The following PRKCA variants were observed in gnomAD, a reference collection of about 807,000 sequenced individuals.
The protein encoded by PRKCA is protein kinase C alpha, also known as protein kinase C alpha type.
A neutral mutation model predicts 87.0 loss-of-function variants in PRKCA; 27 were observed. That is an observed-to-expected ratio of 0.31 (90% confidence interval 0.23 to 0.43). The LOEUF is 0.43. Among genes scored for constraint, PRKCA ranks in the 20% least tolerant of loss-of-function variants. The probability of loss-of-function intolerance (pLI) is 1.00; values close to 1 mark genes in which losing one functional copy is unlikely to be tolerated. For missense variants in PRKCA, 518 were observed against 852.3 expected (o/e 0.61, Z 4.88); for synonymous variants, 329 against 311.1 (o/e 1.06, Z -0.61).
chr17:66,694,483 A>C (rs1454847148), intron 8 of PRKCA, among the ~76,000 whole-genome samples: 1 of 106,934 alleles, frequency 9.4e-6, no homozygotes, highest in South Asian at 2.9e-4. Flanking sequence ...TCTGTCTCAA[A>C]AAAAAAAAAA....
In PRKCA at chr17:66,771,122, C is replaced by T. The variant is rs532213857; in HGVS notation, c.1525-2865C>T. Among the ~76,000 whole-genome samples the T allele has an allele frequency of 4.6e-5, 7 of 151,992 alleles. No homozygotes were observed. The South Asian group carries it at 1.5e-3, about 32-fold the overall frequency. On this transcript the variant is annotated intron_variant, in intron 13 of 16. Transcript: ENST00000413366. ...GGTTGAAGCAACTCTCCTGCCTCAG[C>T]CTCCCGAGTAGCTGGGATTACAGGC...
intron 2 of PRKCA, among the ~76,000 whole-genome samples, chr17:66,445,681 A>G (rs910765112): frequency 6.6e-6 from 1 of 152,190 alleles, no homozygotes. Flanking sequence ...TGAACAGTGC[A>G]GAAGTCCCTG....
At chr17:66,402,637 A>G (rs978644058) in intron 2 of PRKCA, among the ~76,000 whole-genome samples, 2 of 152,134 alleles carry the variant, frequency 1.3e-5, no homozygotes, top group Non-Finnish European at 2.9e-5. Context: ...ACTGAGGTAC[A>G]AGGATGTCAA....
intron 8 of PRKCA, among the ~76,000 whole-genome samples, chr17:66,721,502 G>T (rs377005460): frequency 6.6e-6 from 1 of 151,934 alleles, no homozygotes; most frequent in African/African-American, 2.4e-5. Flanking sequence ...TTTAAAAGGT[G>T]TGGATTATTC....
At chr17:66,480,351 C>T (rs1915725679) in intron 2 of PRKCA, among the ~76,000 whole-genome samples, 1 of 152,038 alleles carries the variant, frequency 6.6e-6, no homozygotes, top group Non-Finnish European at 1.5e-5. Context: ...TTTATTAGTT[C>T]CCAACATACT....
At chr17:66,311,834 G>A (rs954017408) in intron 2 of PRKCA, among the ~76,000 whole-genome samples, 6 of 152,094 alleles carry the variant, frequency 3.9e-5, no homozygotes, top group African/African-American at 7.2e-5. Flanking sequence ...AAAGTGTTTC[G>A]TTAATTTATT....
intron 2 of PRKCA, among the ~76,000 whole-genome samples, chr17:66,433,614 A>T (rs918119674): frequency 6.6e-6 from 1 of 152,010 alleles, no homozygotes; most frequent in African/African-American, 2.4e-5. Flanking sequence ...GTGTTCTCTC[A>T]GCTCACTGCA....
chr17:66,545,224 CG>C (rs372917908), intron 3 of PRKCA, among the ~76,000 whole-genome samples: 3,971 of 152,166 alleles, frequency 0.026, 138 homozygotes, highest in African/African-American at 0.088. Flanking sequence ...GTCAGGAGAT[CG>C]AGACCATCCT....
At chr17:66,492,744 C>T (rs965499187) in intron 2 of PRKCA, among the ~76,000 whole-genome samples, 5 of 152,196 alleles carry the variant, frequency 3.3e-5, no homozygotes, top group Non-Finnish European at 1.5e-5. Flanking sequence ...CTTTATTATC[C>T]GTCCTTCGAG....
chr17:66,565,458 C>A (rs750941969), intron 3 of PRKCA, among the ~76,000 whole-genome samples: 3 of 152,220 alleles, frequency 2.0e-5, no homozygotes, highest in Admixed American at 6.5e-5. Context: ...GAATTTTAAT[C>A]CCAGCTCTGG....
intron 4 of PRKCA, among the ~76,000 whole-genome samples, chr17:66,642,675 A>G (rs1487217858): frequency 6.6e-6 from 1 of 152,188 alleles, no homozygotes; most frequent in Non-Finnish European, 1.5e-5. Context: ...AGCATCATAG[A>G]GTAGATGGAG....
At chr17:66,647,441 T>G (rs553679151) in intron 5 of PRKCA, among the ~76,000 whole-genome samples, 104 of 152,344 alleles carry the variant, frequency 6.8e-4, no homozygotes, top group Non-Finnish European at 1.1e-3. Context: ...AAGGCAAGAA[T>G]GCCTGAAATG....
At chr17:66,586,366 T>C (rs1053001254) in intron 3 of PRKCA, among the ~76,000 whole-genome samples, 3 of 152,204 alleles carry the variant, frequency 2.0e-5, no homozygotes, top group African/African-American at 7.2e-5. Flanking sequence ...AAAGATCTTA[T>C]TCCAGGTGTT....
At chr17:66,620,757 T>C (rs899569349) in intron 3 of PRKCA, among the ~76,000 whole-genome samples, 1 of 152,186 alleles carries the variant, frequency 6.6e-6, no homozygotes, top group Non-Finnish European at 1.5e-5. Flanking sequence ...CCACAGAAAG[T>C]GTACATTGAC....
intron 3 of PRKCA, among the ~76,000 whole-genome samples, chr17:66,589,051 G>T (rs1388846621): frequency 6.6e-6 from 1 of 152,066 alleles, no homozygotes; most frequent in Admixed American, 6.6e-5. Context: ...CTTAGGTAAT[G>T]ATACTTACAA....
At chr17:66,448,781 C>A (rs1057237075) in intron 2 of PRKCA, among the ~76,000 whole-genome samples, 3 of 151,792 alleles carry the variant, frequency 2.0e-5, no homozygotes, top group Non-Finnish European at 4.4e-5. Flanking sequence ...AGTTTTACCC[C>A]TCAAAATGTG....
intron 2 of PRKCA, among the ~76,000 whole-genome samples, chr17:66,410,294 A>C (rs142697078): frequency 1.3e-5 from 2 of 151,856 alleles, no homozygotes; most frequent in Non-Finnish European, 2.9e-5. Flanking sequence ...ATATTTGTAC[A>C]TGATGAATAC....
intron 3 of PRKCA, among the ~76,000 whole-genome samples, chr17:66,574,157 A>G (rs914779511): frequency 1.3e-5 from 2 of 152,348 alleles, no homozygotes; most frequent in South Asian, 2.1e-4. Flanking sequence ...GGTGATATGT[A>G]TCAATAAGCT....
intron 3 of PRKCA, among the ~76,000 whole-genome samples, chr17:66,514,126 G>C (rs1966886101): frequency 6.6e-6 from 1 of 152,052 alleles, no homozygotes. Context: ...ATCTCTTACT[G>C]TGCCTGATTT....
Sources: allele counts gnomAD v4.1 joint callset (sites outside exome capture counted in the v4.1 genomes callset), GRCh38; gene constraint gnomAD v4.1.1; transcripts MANE v1.5; gene names NCBI Gene and HGNC (gene_info 2026-07-23, HGNC 2026-07-21).